STARD9: variants seen among roughly 807,000 people sequenced by gnomAD.
STARD9 encodes the protein stAR-related lipid transfer protein 9.
A neutral mutation model predicts 399.8 loss-of-function variants in STARD9; 346 were observed. The observed-to-expected ratio is 0.87, with a 90% CI of 0.79 to 0.95. The LOEUF (loss-of-function observed/expected upper bound fraction) is 0.95. Among genes scored for constraint, STARD9 ranks in the 40% least tolerant of loss-of-function variants. The pLI is 0.00. For synonymous variants in STARD9, 2,203 were observed against 2,143.5 expected (o/e 1.03, Z -0.77); for missense variants, 5,832 against 5,667.5 (o/e 1.03, Z -0.93).
chr15:42,593,825 G>C (rs1041865652), intron 3 of STARD9, among the ~76,000 whole-genome samples: 5 of 151,250 alleles, frequency 3.3e-5, no homozygotes, highest in Admixed American at 6.6e-5. Context: ...CACCACGCCC[G>C]GCTAACTTTT....
In STARD9 at chr15:42,690,965, A is replaced by G. The variant is rs756758721; in HGVS notation, c.9387A>G (p.Gln3129=). The G allele has an allele frequency of 6.5e-7, 1 of 1,537,222 alleles. No homozygotes were observed. Among genetic ancestry groups the G allele is most frequent in the South Asian group, 1.2e-5 (1 of 84,064 alleles). ...GTGACCAGAATGCACAGGTGTGTCAAACCAATCCAGAACCACCTGCAACAA... is the reference window on the plus strand; with the variant it reads ...GTGACCAGAATGCACAGGTGTGTCAGACCAATCCAGAACCACCTGCAACAA... ...SVGDQNAQVC[Q]TNPEPPATTQ... The change falls in exon 23 of 33, where the codon CAA becomes CAG. Residue 3129 remains glutamine, a synonymous_variant. Transcript: ENST00000290607.
chr15:42,602,823 T>A (rs1310577206), intron 3 of STARD9, among the ~76,000 whole-genome samples: 1 of 152,238 alleles, frequency 6.6e-6, no homozygotes, highest in Non-Finnish European at 1.5e-5. Context: ...GTTACAAAGT[T>A]GCAAATGAAG....
At chr15:42,595,365 T>C (rs539089336) in intron 3 of STARD9, among the ~76,000 whole-genome samples, 5 of 152,352 alleles carry the variant, frequency 3.3e-5, no homozygotes, top group East Asian at 1.9e-4. Flanking sequence ...AAACCTTGAC[T>C]ATGTGACTCC....
In STARD9 at chr15:42,716,922, T is replaced by C; in HGVS notation, c.13373-5T>C. On this transcript the variant is annotated splice_region_variant and splice_polypyrimidine_tract_variant and intron_variant, in intron 27 of 32. Transcript: ENST00000290607. ...TATCACAGGGCCTCCACCTATTTCT[T>C]GTAGGCCACAGAGCCTCCCTGGGCA... The C allele has an allele frequency of 6.5e-7, 1 of 1,537,212 alleles. No individual in the cohort carries two copies. The highest frequency in any genetic ancestry group is 1.2e-5 in the South Asian group (1 of 84,064).
chr15:42,688,878 G>A lies in STARD9; in HGVS notation c.7300G>A (p.Asp2434Asn), dbSNP rs2060623740. 3 of 1,537,306 alleles carry A rather than the reference G, an allele frequency of 2.0e-6. No individual in the cohort carries two copies. Among genetic ancestry groups the A allele is most frequent in the Non-Finnish European group, 2.6e-6 (3 of 1,146,924 alleles). Residue 2434 changes from aspartate (D) to asparagine (N), a missense_variant, in exon 23 of 33, where the codon GAC becomes AAC. Transcript: ENST00000290607. The stretch of plus-strand genomic sequence containing the variant: ...AGAGAGCATTCCTCTGGGGACAGAG[G>A]ACAGGATCTCAGCAAGCACCAGCCC... ...VPESIPLGTE[D>N]RISASTSPQD...
intron 8 of STARD9, 47 bp from the exon 9 acceptor site, chr15:42,652,473 C>T (rs562642851): frequency 6.9e-7 from 1 of 1,449,896 alleles, no homozygotes; most frequent in South Asian, 1.2e-5. Context: ...AAGAATCCAC[C>T]ATGTGTAAAC....
chr15:42,695,996 T>G, intron 26 of STARD9, 116 bp downstream of exon 26: 9 of 1,097,912 alleles, frequency 8.2e-6, no homozygotes, highest in Non-Finnish European at 1.0e-5. Flanking sequence ...TGGAGGCCAC[T>G]GCTGACATGA....
At chr15:42,666,683 G>A (rs530803046) in intron 15 of STARD9, among the ~76,000 whole-genome samples, 2 of 152,318 alleles carry the variant, frequency 1.3e-5, no homozygotes, top group East Asian at 3.9e-4. Flanking sequence ...TTGTATGCAG[G>A]ATGAATTGAA....
At chr15:42,630,762 G>A (rs543405550) in intron 3 of STARD9, among the ~76,000 whole-genome samples, 5 of 152,086 alleles carry the variant, frequency 3.3e-5, no homozygotes, top group Non-Finnish European at 7.4e-5. Context: ...TGCAGTGTCA[G>A]TTGTAATGCT....
At chr15:42,695,974 C>T (rs918834112) in intron 26 of STARD9, 94 bp downstream of exon 26, 34 of 1,368,678 alleles carry the variant, frequency 2.5e-5, no homozygotes, top group South Asian at 7.4e-5. Flanking sequence ...TTGGGCAAGA[C>T]GCCGTGCCTC....
At chr15:42,703,364 T>G (rs2061007203) in intron 26 of STARD9, among the ~76,000 whole-genome samples, 1 of 118,804 alleles carries the variant, frequency 8.4e-6, no homozygotes. Context: ...TTTTGTTTTG[T>G]TTGTTTTTTT....
intron 32 of STARD9, among the ~76,000 whole-genome samples, chr15:42,719,231 C>T (rs1256905296): frequency 6.6e-6 from 1 of 152,166 alleles, no homozygotes; most frequent in Non-Finnish European, 1.5e-5. Flanking sequence ...CTCAGCAGAG[C>T]GGAATGATGA....
At position 42,690,275 on chromosome 15, in the gene STARD9, A is replaced by C; in HGVS notation, c.8697A>C (p.Pro2899=). The C allele has an allele frequency of 6.5e-7, 1 of 1,537,358 alleles. No homozygotes were observed. ...RAGSKHSRPI[P]LPDQRPSANP... is the part of the protein sequence containing the mutation. The stretch of plus-strand genomic sequence containing the variant: ...GCAGCAAACATTCCAGGCCAATTCC[A>C]CTGCCAGATCAAAGACCAAGCGCAA... The change falls in exon 23 of 33, where the codon CCA becomes CCC. Residue 2899 remains proline, a synonymous_variant. Coordinates refer to ENST00000290607, the MANE Select transcript of STARD9 (RefSeq NM_020759.3).
At chr15:42,694,407 A>T in intron 23 of STARD9, 65 bp downstream of exon 23, 1 of 1,531,408 alleles carries the variant, frequency 6.5e-7, no homozygotes, top group Non-Finnish European at 8.8e-7. Context: ...GAACCCAAGA[A>T]AGCTAATAGC....
At chr15:42,652,268 G>T (rs544858214) in intron 8 of STARD9, among the ~76,000 whole-genome samples, 1 of 142,926 alleles carries the variant, frequency 7.0e-6, no homozygotes, top group East Asian at 2.0e-4. Context: ...TGCTTCTATT[G>T]CTTAAAAAAA....
intron 26 of STARD9, among the ~76,000 whole-genome samples, chr15:42,712,714 G>GT (rs2061270410): frequency 6.6e-6 from 1 of 152,130 alleles, no homozygotes; most frequent in Non-Finnish European, 1.5e-5. Context: ...TTTTGTGTGT[G>GT]TGTGACAGGG....
intron 18 of STARD9, 169 bp from the exon 19 acceptor site, chr15:42,675,495 A>G: frequency 3.3e-6 from 2 of 598,288 alleles, no homozygotes; most frequent in South Asian, 4.0e-5. Flanking sequence ...CTGTCTTATT[A>G]ATTCAAGATG....
intron 3 of STARD9, among the ~76,000 whole-genome samples, chr15:42,615,685 G>A (rs2058948804): frequency 6.7e-6 from 1 of 150,270 alleles, no homozygotes; most frequent in African/African-American, 2.4e-5. Flanking sequence ...TAACATAGGA[G>A]GAAAGAGAGA....
chr15:42,632,488 T>C (rs2059350355), intron 3 of STARD9, among the ~76,000 whole-genome samples: 1 of 152,230 alleles, frequency 6.6e-6, no homozygotes, highest in South Asian at 2.1e-4. Context: ...TCTGGTTGTT[T>C]TGTGGTCTTT....
Sources: allele counts gnomAD v4.1 joint callset (sites outside exome capture counted in the v4.1 genomes callset), GRCh38; gene constraint gnomAD v4.1.1; transcripts MANE v1.5; gene names NCBI Gene and HGNC (gene_info 2026-07-23, HGNC 2026-07-21).